Variants in SLCO1A2 observed in about 807,000 individuals in gnomAD.
The protein encoded by SLCO1A2 is solute carrier organic anion transporter family member 1A2, also known as OATP-1.
In SLCO1A2, 67 loss-of-function variants were observed where a neutral mutation model predicts 69.0. The ratio of observed to expected loss-of-function variants is 0.97; its 90% CI spans 0.80 to 1.19. The LOEUF (loss-of-function observed/expected upper bound fraction) is 1.19, where lower values mean the gene tolerates loss of function less well. Ranked by LOEUF, SLCO1A2 falls within the 50% of genes most tolerant of loss-of-function variation. The probability of loss-of-function intolerance (pLI) is 0.00; values close to 1 mark genes in which losing one functional copy is unlikely to be tolerated. For missense variants in SLCO1A2, 787 were observed against 793.7 expected (o/e 0.99, Z 0.10); for synonymous variants, 260 against 265.9 (o/e 0.98, Z 0.22).
intron 3 of SLCO1A2, among the ~76,000 whole-genome samples, chr12:21,317,511 T>C (rs1335526254): frequency 2.0e-5 from 3 of 152,326 alleles, no homozygotes; most frequent in Non-Finnish European, 2.9e-5. Flanking sequence ...ACCTTGTATA[T>C]ATCTATGCTA....
chr12:21,339,380 A>G (rs1952993529), upstream of SLCO1A2, among the ~76,000 whole-genome samples: 1 of 151,966 alleles, frequency 6.6e-6, no homozygotes, highest in Non-Finnish European at 1.5e-5. Flanking sequence ...ATTCATTTGA[A>G]CGATCACTTG....
chr12:21,377,566 C>T (rs890169215), intron 1 of SLCO1A2, among the ~76,000 whole-genome samples: 2 of 152,100 alleles, frequency 1.3e-5, no homozygotes, highest in Non-Finnish European at 2.9e-5. Flanking sequence ...TCCCTATTTC[C>T]CCCTCTCCCT....
chr12:21,412,655 C>T (rs1417694123), intron 1 of SLCO1A2, among the ~76,000 whole-genome samples: 3 of 152,064 alleles, frequency 2.0e-5, no homozygotes, highest in Non-Finnish European at 2.9e-5. Flanking sequence ...AAGGTACCTC[C>T]CACAATGCTC....
upstream of SLCO1A2, among the ~76,000 whole-genome samples, chr12:21,400,334 C>T (rs1591918264): frequency 1.3e-5 from 2 of 152,190 alleles, no homozygotes; most frequent in African/African-American, 2.4e-5. Flanking sequence ...GAGATACCAT[C>T]TCACACCAGT....
intron 4 of SLCO1A2, among the ~76,000 whole-genome samples, chr12:21,311,986 G>T (rs12809503): frequency 1.3e-5 from 2 of 150,680 alleles, no homozygotes; most frequent in African/African-American, 2.4e-5. Context: ...AGGAGGAGGA[G>T]GAAGAGGAGG....
intron 1 of SLCO1A2, chr12:21,378,682 T>C (rs1940387119): frequency 1.5e-5 from 6 of 401,642 alleles, no homozygotes; most frequent in Non-Finnish European, 2.3e-5. Flanking sequence ...TTTTGGGACC[T>C]ATATCTCAGT....
chr12:21,345,898 CT>C (rs555862655), intron 2 of SLCO1A2, among the ~76,000 whole-genome samples: 1 of 151,754 alleles, frequency 6.6e-6, no homozygotes, highest in African/African-American at 2.4e-5. Context: ...AGGCTTATTG[CT>C]TTTTTGTGAA....
At position 21,264,780 on chromosome 12, in the gene SLCO1A2, G is replaced by T. The variant is rs1443484824; in HGVS notation, c.*4768C>A. ...TCATGACCTTTCTTAAGGGTAAGAA[G>T]ACACTGCCAAAGAGGCCTCTGACCA... On this transcript the variant is annotated 3_prime_UTR_variant, in exon 15 of 15. Transcript: ENST00000683939. The T allele has an allele frequency of 6.6e-6, 1 of 152,182 alleles. No homozygotes were observed. The highest frequency in any genetic ancestry group is 1.5e-5 in the Non-Finnish European group (1 of 68,062). 9.4% of individuals were successfully genotyped at this position (152,182 alleles called of 1,614,324 possible).
chr12:21,314,724 A>AGCTGCATTGTCTGGGTGCTGCTGCTTCAC, intron 3 of SLCO1A2, 43 bp from the exon 4 acceptor site: 1 of 1,446,072 alleles, frequency 6.9e-7, no homozygotes, highest in Admixed American at 1.8e-5. Context: ...AGTATGAACA[A>AGCTGCATTGTCTGGGTGCTGCTGCTTCAC]AGTCTTAATT....
intron 1 of SLCO1A2, among the ~76,000 whole-genome samples, chr12:21,392,187 A>T (rs1243625285): frequency 2.0e-5 from 3 of 151,896 alleles, no homozygotes; most frequent in Non-Finnish European, 4.4e-5. Flanking sequence ...ATCACATACA[A>T]TTTCTCCCTG....
In SLCO1A2 at chr12:21,304,424, T is replaced by C. The variant is rs774314896; in HGVS notation, c.589+3A>G. 4.4e-6 allele frequency: 7 copies of C among 1,601,238 alleles called. No individual in the cohort carries two copies. The highest frequency in any genetic ancestry group is 6.0e-6 in the Non-Finnish European group (7 of 1,169,124). On this transcript the variant is annotated splice_donor_region_variant and intron_variant, in intron 6 of 14. Transcript: ENST00000683939. ...AGAAGCTAAGGTAGATTTCCATACTTACCAATATATAAAGGAGAATTTTCA... is the reference window on the plus strand; with the variant it reads ...AGAAGCTAAGGTAGATTTCCATACTCACCAATATATAAAGGAGAATTTTCA...
At chr12:21,411,594 G>A (rs966849183) in intron 1 of SLCO1A2, among the ~76,000 whole-genome samples, 3 of 152,070 alleles carry the variant, frequency 2.0e-5, no homozygotes, top group Non-Finnish European at 2.9e-5. Context: ...CCTTTTACTT[G>A]ACTGTGTAAA....
intron 2 of SLCO1A2, among the ~76,000 whole-genome samples, chr12:21,346,997 A>G (rs1369664188): frequency 6.6e-6 from 1 of 150,980 alleles, no homozygotes; most frequent in East Asian, 1.9e-4. Flanking sequence ...GCCACTATTT[A>G]TAGCCCATCT....
intron 12 of SLCO1A2, among the ~76,000 whole-genome samples, chr12:21,287,939 C>A (rs1946201350): frequency 7.7e-6 from 1 of 130,284 alleles, no homozygotes; most frequent in Non-Finnish European, 1.6e-5. Context: ...TGCAGCGCAC[C>A]AGCATGGCAC....
At chr12:21,360,779 T>C in intron 2 of SLCO1A2, among the ~76,000 whole-genome samples, 1 of 152,198 alleles carries the variant, frequency 6.6e-6, no homozygotes, top group East Asian at 1.9e-4. Context: ...CCACGGAGGC[T>C]CGCTCACTGC....
rs1429983871 is a variant in SLCO1A2 at position 21,312,057 on chromosome 12, GAAGAAGAAGAGGAA to G, written c.335+2478_335+2491del. Among the ~76,000 whole-genome samples the G allele has an allele frequency of 2.0e-3, 267 of 132,984 alleles. 1 individual carries two copies. The highest frequency in any genetic ancestry group is 0.01 in the African/African-American group (254 of 24,948). The allele number at this position is 132,984 out of a possible 152,430, so 87.2% of individuals were successfully genotyped here. A position where few individuals can be genotyped will look rare whatever the true frequency, so the allele number is the denominator to read the frequency against. ...AAGAAGAGGAAGAAGAAGAGGAGGA[GAAGAAGAAGAGGAA>G]GAAGAAGAGGAGGAGGAGGAAGGAG... On this transcript the variant is annotated intron_variant, in intron 4 of 14. Transcript: ENST00000683939.
intron 2 of SLCO1A2, chr12:21,373,407 A>G (rs1279799238): frequency 2.5e-6 from 4 of 1,613,222 alleles, no homozygotes; most frequent in Non-Finnish European, 3.4e-6. Flanking sequence ...GCATTGAACC[A>G]TCTGAAAGCT....
At chr12:21,408,302 C>T (rs1181559341) in intron 1 of SLCO1A2, among the ~76,000 whole-genome samples, 3 of 152,010 alleles carry the variant, frequency 2.0e-5, no homozygotes, top group Non-Finnish European at 4.4e-5. Flanking sequence ...TTCTTTGTGT[C>T]TATCAACCTC....
In SLCO1A2 at chr12:21,296,498, A is replaced by T. The variant is rs529054431; in HGVS notation, c.1076-706T>A. The stretch of plus-strand genomic sequence containing the variant: ...CCTCAAGTGATCCTCACTCCTCAGC[A>T]TCCCAAAGTGCTGGAATTAAAGGCA... On this transcript the variant is annotated intron_variant, in intron 9 of 14. Transcript: ENST00000683939. 1.3e-4 allele frequency among the ~76,000 whole-genome samples: 20 copies of T among 152,232 alleles called. No homozygotes were observed. In the South Asian group the frequency reaches 4.1e-3, roughly 32 times the overall value.
Sources: gnomAD v4.1 joint callset for allele counts (sites outside exome capture counted in the v4.1 genomes callset) on GRCh38, gnomAD v4.1.1 for gene constraint, MANE v1.5 for transcripts, NCBI Gene and HGNC (gene_info 2026-07-23, HGNC 2026-07-21) for gene names.